KBTBD11: variants seen among roughly 807,000 people sequenced by gnomAD.
KBTBD11 encodes kelch repeat and BTB domain-containing protein 11.
For synonymous variants in KBTBD11, 747 were observed against 499.0 expected (o/e 1.50, Z -6.63); for missense variants, 1,390 against 1,001.8 (o/e 1.39, Z -5.23).
At chr8:1,993,491 A>AC (rs1563372046) in intron 1 of KBTBD11, among the ~76,000 whole-genome samples, 31 of 123,884 alleles carry the variant, frequency 2.5e-4, no homozygotes, top group Admixed American at 4.2e-4. Context: ...CTATCCGTCC[A>AC]TCCGTCCATC....
intron 1 of KBTBD11, among the ~76,000 whole-genome samples, chr8:1,989,220 C>T (rs980754839): frequency 6.6e-6 from 1 of 152,160 alleles, no homozygotes; most frequent in South Asian, 2.1e-4. Flanking sequence ...CCTATTTCAA[C>T]GTGTTCTCAG....
intron 1 of KBTBD11, among the ~76,000 whole-genome samples, chr8:1,992,387 C>G (rs1021563209): frequency 2.6e-5 from 4 of 151,990 alleles, no homozygotes; most frequent in Non-Finnish European, 4.4e-5. Context: ...AGAGGAGGAA[C>G]AGGCAGGGGA....
chr8:2,001,476 A>G lies in KBTBD11; in HGVS notation c.284A>G (p.Glu95Gly). The part of the protein sequence containing the change: ...AASPEELASP[E>G]ERACPEEPAA... ...TCCCCGGAGGAGCTCGCGTCCCCTG[A>G]GGAGCGCGCGTGCCCGGAAGAGCCC... Residue 95 changes from glutamate to glycine, a missense_variant, in exon 2 of 2, where the codon GAG becomes GGG. Coordinates refer to ENST00000320248, the MANE Select transcript of KBTBD11 (RefSeq NM_014867.3). The G allele has an allele frequency of 7.3e-7, 1 of 1,379,294 alleles. No individual in the cohort carries two copies. The highest frequency in any genetic ancestry group is 9.3e-7 in the Non-Finnish European group (1 of 1,074,400). 85.4% of individuals were successfully genotyped at this position (1,379,294 alleles called of 1,614,324 possible). A position where few individuals can be genotyped will look rare whatever the true frequency, so the allele number is the denominator to read the frequency against.
chr8:1,979,288 C>A (rs1325059871), intron 1 of KBTBD11, among the ~76,000 whole-genome samples: 1 of 152,188 alleles, frequency 6.6e-6, no homozygotes, highest in Non-Finnish European at 1.5e-5. Flanking sequence ...TGAATAGAAA[C>A]ATGCTTTACT....
rs956243523 is a variant in KBTBD11, at chr8:1,974,300, G to A, written c.-909+365G>A. 2.4e-5 allele frequency: 24 copies of A among 984,220 alleles called. No homozygotes were observed. In the African/African-American group the frequency reaches 4.2e-4, roughly 17 times the overall value. The allele number at this position is 984,220 out of a possible 1,614,324, so 61.0% of individuals were successfully genotyped here. ...CGGGACGCGGCAACCCCGGCCGGAA[G>A]ACAATGAGCCGCCCGCGCCGCGCCC... On this transcript the variant is annotated intron_variant, in intron 1 of 1. Transcript: ENST00000320248.
intron 1 of KBTBD11, among the ~76,000 whole-genome samples, chr8:1,982,506 A>G (rs1816571630): frequency 1.0e-5 from 1 of 99,582 alleles, no homozygotes; most frequent in Non-Finnish European, 2.4e-5. Context: ...TATGCTGCCT[A>G]CAAGAGACCC....
intron 1 of KBTBD11, among the ~76,000 whole-genome samples, chr8:1,982,040 G>C (rs1816556615): frequency 6.6e-6 from 1 of 152,132 alleles, no homozygotes; most frequent in Non-Finnish European, 1.5e-5. Flanking sequence ...GGAGAACCCT[G>C]GTTAATACAG....
At chr8:1,983,501 A>AC (rs1031189018) in intron 1 of KBTBD11, among the ~76,000 whole-genome samples, 1 of 151,700 alleles carries the variant, frequency 6.6e-6, no homozygotes, top group East Asian at 1.9e-4. Flanking sequence ...ATCTTGTAAC[A>AC]CCCCCCTCAG....
rs1817321367 is a variant in KBTBD11, at chr8:2,001,007, G to A, written c.-186G>A. On this transcript the variant is annotated 5_prime_UTR_variant, in exon 2 of 2. Transcript: ENST00000320248. ...AGAGGAGAGGGCAAAGGCGAGGCGG[G>A]GGAGCAGCGTGTGAGATTCCCCCCT... 2 of 769,878 alleles carry A rather than the reference G, an allele frequency of 2.6e-6. No homozygotes were observed. The highest frequency in any genetic ancestry group is 1.8e-5 in the African/African-American group (1 of 55,406). The allele number at this position is 769,878 out of a possible 1,614,324, so 47.7% of individuals were successfully genotyped here. A position where few individuals can be genotyped will look rare whatever the true frequency, so the allele number is the denominator to read the frequency against.
At chr8:1,977,143 A>G (rs1398303985) in intron 1 of KBTBD11, among the ~76,000 whole-genome samples, 1 of 151,936 alleles carries the variant, frequency 6.6e-6, no homozygotes, top group Non-Finnish European at 1.5e-5. Context: ...TGTGTGACCC[A>G]AGACAATTCT....
intron 1 of KBTBD11, chr8:1,974,352 C>T (rs1816246547): frequency 1.0e-6 from 1 of 984,460 alleles, no homozygotes; most frequent in African/African-American, 1.8e-5. Context: ...CCGAGGGTCC[C>T]GCCGCCCCAG....
At chr8:1,983,867 C>G (rs753639973) in intron 1 of KBTBD11, among the ~76,000 whole-genome samples, 2 of 152,224 alleles carry the variant, frequency 1.3e-5, no homozygotes, top group South Asian at 4.1e-4. Context: ...TGGTGGCTTA[C>G]GCCTGTAATC....
At position 2,001,247 on chromosome 8, in the gene KBTBD11, G is replaced by T; in HGVS notation, c.55G>T (p.Ala19Ser). The T allele has an allele frequency of 8.7e-6, 13 of 1,498,458 alleles. No homozygotes were observed. Among genetic ancestry groups the T allele is most frequent in the Non-Finnish European group, 1.2e-5 (13 of 1,128,994 alleles). The allele number at this position is 1,498,458 out of a possible 1,614,324, so 92.8% of individuals were successfully genotyped here. A position where few individuals can be genotyped will look rare whatever the true frequency, so the allele number is the denominator to read the frequency against. The change falls in exon 2 of 2, where the codon GCC becomes TCC. Residue 19 changes from alanine to serine, a missense_variant. By Grantham distance (99) the Ala-to-Ser change is moderately conservative (BLOSUM62 1). Transcript: ENST00000320248. Reference sequence around the variant, plus strand: ...CTACCCAGGGACTGAGCCCGGGGCTGCCGGGGAGAGCGAGAGCGAGGGCGC... The same window carrying T: ...CTACCCAGGGACTGAGCCCGGGGCTTCCGGGGAGAGCGAGAGCGAGGGCGC... The part of the protein sequence containing the change: ...VLYPGTEPGA[A>S]GESESEGAAS...
In KBTBD11 at chr8:2,002,217, G is replaced by A. The variant is rs1027920937; in HGVS notation, c.1025G>A (p.Arg342Gln). Residue 342 changes from arginine (R) to glutamine (Q), a missense_variant, in exon 2 of 2, where the codon CGG becomes CAG. By Grantham distance (43) the Arg-to-Gln change is conservative (BLOSUM62 1). Transcript: ENST00000320248. This position sits in a 1 kb window ranked among gnomAD's most constrained non-coding sequence, Gnocchi z 4.1. ...GCCGGAGAGTGGCGCGAGCTGACGC[G>A]GCTGCCCGAGGGCGCGCCGGCGCGG... ...AAAGEWRELT[R>Q]LPEGAPARGC... The A allele has an allele frequency of 5.5e-6, 7 of 1,264,524 alleles. No individual in the cohort carries two copies. The highest frequency in any genetic ancestry group is 6.9e-6 in the Non-Finnish European group (7 of 1,009,122). 78.3% of individuals were successfully genotyped at this position (1,264,524 alleles called of 1,614,324 possible). A position where few individuals can be genotyped will look rare whatever the true frequency, so the allele number is the denominator to read the frequency against.
At chr8:1,997,010 G>A (rs1322484415) in intron 1 of KBTBD11, among the ~76,000 whole-genome samples, 1 of 151,924 alleles carries the variant, frequency 6.6e-6, no homozygotes, top group South Asian at 2.1e-4. Context: ...TCTCCCCCGC[G>A]CGCCCCCCGT....
chr8:1,991,804 G>A (rs564950124), intron 1 of KBTBD11, among the ~76,000 whole-genome samples: 10 of 152,144 alleles, frequency 6.6e-5, no homozygotes, highest in African/African-American at 2.4e-4. Context: ...ACTGAATGGA[G>A]CAAATTGCCT....
chr8:1,983,413 C>T (rs971091467), intron 1 of KBTBD11, among the ~76,000 whole-genome samples: 2 of 152,222 alleles, frequency 1.3e-5, no homozygotes, highest in South Asian at 4.1e-4. Flanking sequence ...CCTTGTAACC[C>T]TGTGCCTGCC....
chr8:1,998,532 G>A (rs117354567), intron 1 of KBTBD11, among the ~76,000 whole-genome samples: 9,093 of 152,124 alleles, frequency 0.06, 416 homozygotes, highest in Middle Eastern at 0.12. Context: ...GATGACTCTC[G>A]GGATGGAGGC....
In KBTBD11 at chr8:2,002,240, C is replaced by T; in HGVS notation, c.1048C>T (p.Arg350Trp). The change falls in exon 2 of 2, where the codon CGG becomes TGG. Residue 350 changes from arginine to tryptophan, a missense_variant. Arg to Trp is a moderately radical substitution (Grantham distance 101, BLOSUM62 -3). Coordinates refer to ENST00000320248, the MANE Select transcript of KBTBD11 (RefSeq NM_014867.3). The surrounding 1 kb of genome is among the most constrained non-coding windows in gnomAD (Gnocchi z 4.1). Reference sequence around the variant, plus strand: ...GCGGCTGCCCGAGGGCGCGCCGGCGCGGGGCTGCGGCCTGTGCGTCCTCTA... The same window carrying T: ...GCGGCTGCCCGAGGGCGCGCCGGCGTGGGGCTGCGGCCTGTGCGTCCTCTA... ...LTRLPEGAPA[R>W]GCGLCVLYNY... 4.8e-6 allele frequency: 6 copies of T among 1,263,110 alleles called. No homozygotes were observed. The highest frequency in any genetic ancestry group is 1.6e-5 in the African/African-American group (1 of 62,856). 78.2% of individuals were successfully genotyped at this position (1,263,110 alleles called of 1,614,324 possible). A position where few individuals can be genotyped will look rare whatever the true frequency, so the allele number is the denominator to read the frequency against.
Sources: gnomAD v4.1 joint callset for allele counts (sites outside exome capture counted in the v4.1 genomes callset) on GRCh38, gnomAD v4.1.1 for gene constraint, Gnocchi (gnomAD v3.1) non-coding constraint, MANE v1.5 for transcripts, NCBI Gene and HGNC (gene_info 2026-07-23, HGNC 2026-07-21) for gene names.